Variants in PER2 observed in about 807,000 individuals in gnomAD.
The protein encoded by PER2 is period circadian protein homolog 2.
In PER2, 66 loss-of-function variants were observed where a neutral mutation model predicts 121.0. The ratio of observed to expected loss-of-function variants is 0.55; its 90% confidence interval spans 0.45 to 0.67. The LOEUF is 0.67. PER2 is among the 30% of genes least tolerant of loss of function. The pLI, the probability that PER2 is intolerant of heterozygous loss-of-function variation, is 0.00. For synonymous variants in PER2, 684 were observed against 659.9 expected, an observed-to-expected ratio of 1.04 and a Z score of -0.56; for missense variants, 1,521 against 1,635.0, an observed-to-expected ratio of 0.93 and a Z score of 1.20.
intron 8 of PER2, 134 bp downstream of exon 8, chr2:238,267,922 A>G: frequency 2.1e-6 from 2 of 939,866 alleles, no homozygotes; most frequent in Non-Finnish European, 3.3e-6. Context: ...GACCCTGCCC[A>G]AGGTGAGGTG....
In PER2 at chr2:238,253,533, G is replaced by A; in HGVS notation, c.2490C>T (p.Ala830=). ...ACTGGGACGTGTCTGAGGGTGACCA[G>A]GCTGTGGCGTTCAAGCCCACCAGCG... ...RPPLVGLNAT[A]WSPSDTSQSS... is the part of the protein sequence containing the mutation. The change falls in exon 19 of 23, where the codon GCC becomes GCT. Residue 830 remains alanine (A), a synonymous_variant. Coordinates refer to ENST00000254657, the MANE Select transcript of PER2 (RefSeq NM_022817.3). This position sits in a 1 kb window ranked among gnomAD's most constrained non-coding sequence, Gnocchi z 5.6. The A allele has an allele frequency of 3.7e-6, 6 of 1,611,466 alleles. No homozygotes were observed. Among genetic ancestry groups the A allele is most frequent in the Non-Finnish European group, 5.1e-6 (6 of 1,179,196 alleles).
Position 238,252,525 on chromosome 2 carries a change from C to T in PER2, c.3111+387G>A, listed in dbSNP as rs955585437. Among the ~76,000 whole-genome samples the T allele has an allele frequency of 2.0e-5, 3 of 152,226 alleles. No individual in the cohort carries two copies. Among genetic ancestry groups the T allele is most frequent in the Non-Finnish European group, 4.4e-5 (3 of 68,038 alleles). ...TGTCCCCCTCCTTCTCCGCCTTCAC[C>T]GGGGCCACCTGAGCCAGGCTCCGGC... On this transcript the variant is annotated intron_variant, in intron 19 of 22. Coordinates refer to ENST00000254657, the MANE Select transcript of PER2 (RefSeq NM_022817.3). The surrounding 1 kb of genome is among the most constrained non-coding windows in gnomAD (Gnocchi z 4.2).
chr2:238,263,182 C>G, intron 9 of PER2, 124 bp from the exon 10 acceptor site: 1 of 702,578 alleles, frequency 1.4e-6, no homozygotes, highest in Non-Finnish European at 2.6e-6. Flanking sequence ...CCCCCACCCC[C>G]GGAGATCAAA....
chr2:238,258,458 T>A (rs1280456952), intron 15 of PER2, 39 bp downstream of exon 15: 2 of 1,613,870 alleles, frequency 1.2e-6, no homozygotes, highest in East Asian at 4.5e-5. Flanking sequence ...AGGGAAGGTG[T>A]GTGAGATGGT....
At chr2:238,284,049 G>C (rs1186646739) in intron 1 of PER2, among the ~76,000 whole-genome samples, 1 of 152,204 alleles carries the variant, frequency 6.6e-6, no homozygotes, top group East Asian at 1.9e-4. Flanking sequence ...TGGGGTAACA[G>C]TAGTTCCTGC....
chr2:238,260,072 G>A lies in PER2; in HGVS notation c.1543-19C>T. ...AAATTTCCTTGAAGAAAAACAAAATGAACACATTATTCATTCTAGGAGACC... is the reference window on the plus strand; with the variant it reads ...AAATTTCCTTGAAGAAAAACAAAATAAACACATTATTCATTCTAGGAGACC... On this transcript the variant is annotated intron_variant, in intron 13 of 22. Coordinates refer to ENST00000254657, the MANE Select transcript of PER2 (RefSeq NM_022817.3). 1 of 1,108,366 alleles carries A rather than the reference G, an allele frequency of 9.0e-7. No individual in the cohort carries two copies. The allele number at this position is 1,108,366 out of a possible 1,614,324, so 68.7% of individuals were successfully genotyped here. A position where few individuals can be genotyped will look rare whatever the true frequency, so the allele number is the denominator to read the frequency against.
chr2:238,256,122 C>G (rs1369187908), intron 17 of PER2, among the ~76,000 whole-genome samples: 1 of 152,250 alleles, frequency 6.6e-6, no homozygotes, highest in Non-Finnish European at 1.5e-5. Context: ...CCCTGACAGC[C>G]AGGTGCTCAG....
At chr2:238,255,485 C>CCG (rs1051548201) in intron 18 of PER2, 172 bp downstream of exon 18, 3 of 722,142 alleles carry the variant, frequency 4.2e-6, no homozygotes, top group Non-Finnish European at 7.3e-6. Flanking sequence ...AGCACCCCCC[C>CCG]GGTGGGAAGT....
At chr2:238,269,698 T>G (rs888796911) in intron 6 of PER2, among the ~76,000 whole-genome samples, 7 of 151,462 alleles carry the variant, frequency 4.6e-5, no homozygotes, top group East Asian at 3.9e-4. Flanking sequence ...CCAACTAACC[T>G]ACAACTGAGC....
Position 238,263,037 on chromosome 2 carries a change from G to A in PER2, c.1068C>T (p.Tyr356=), listed in dbSNP as rs962187608. Residue 356 remains tyrosine (Y), a synonymous_variant, in exon 10 of 23, where the codon TAC becomes TAT. Coordinates refer to ENST00000254657, the MANE Select transcript of PER2 (RefSeq NM_022817.3). ...GGGTTTCAATCAGGTCCTGAGGTAGGTAGCCCAGGAGAGGGACCGCCCTGG... is the reference window on the plus strand; with the variant it reads ...GGGTTTCAATCAGGTCCTGAGGTAGATAGCCCAGGAGAGGGACCGCCCTGG... ...VDERAVPLLG[Y]LPQDLIETPV... 6.2e-7 allele frequency: 1 copy of A among 1,613,428 alleles called. No homozygotes were observed. The highest frequency in any genetic ancestry group is 1.3e-5 in the African/African-American group (1 of 74,932).
intron 22 of PER2, among the ~76,000 whole-genome samples, chr2:238,247,856 G>A (rs572257398): frequency 2.0e-5 from 3 of 152,344 alleles, no homozygotes; most frequent in African/African-American, 7.2e-5. Context: ...CACAGTGCTG[G>A]CAGGAATCTG....
rs762179743 is a variant in PER2, at chr2:238,275,818, C to G, written c.373G>C (p.Asp125His). 2.5e-6 allele frequency: 4 copies of G among 1,614,230 alleles called. No individual in the cohort carries two copies. In the South Asian group the frequency reaches 4.4e-5, roughly 18 times the overall value. ...CTGGCCTTGCCCTTGGCCTTCTTGT[C>G]TGCAGGGAGGTGGACCTTCAGCTCC... ...LKELKVHLPA[D>H]KKAKGKASTL... is the part of the protein sequence containing the mutation. The change falls in exon 4 of 23, where the codon GAC (aspartate) becomes CAC (histidine). Residue 125 changes from aspartate (D) to histidine (H), a missense_variant. Physicochemically the swap from Asp to His is moderately conservative, Grantham distance 81. Transcript: ENST00000254657.
At chr2:238,261,497 C>A (rs1038052272) in intron 12 of PER2, 6 of 583,662 alleles carry the variant, frequency 1.0e-5, no homozygotes, top group Non-Finnish European at 1.9e-5. Flanking sequence ...GCTACTCACT[C>A]AGGGCTGCAG....
chr2:238,280,833 A>T (rs1696606533), intron 1 of PER2, among the ~76,000 whole-genome samples: 1 of 152,178 alleles, frequency 6.6e-6, no homozygotes, highest in Admixed American at 6.5e-5. Flanking sequence ...ATCAAAGGAC[A>T]AGAGTCCAAC....
At chr2:238,270,191 A>G (rs567335727) in intron 6 of PER2, among the ~76,000 whole-genome samples, 2 of 152,360 alleles carry the variant, frequency 1.3e-5, no homozygotes, top group African/African-American at 4.8e-5. Flanking sequence ...CAGAAGCCCC[A>G]AACATTTCAT....
At chr2:238,267,745 A>G (rs3739064) in intron 8 of PER2, among the ~76,000 whole-genome samples, 30,775 of 152,126 alleles carry the variant, frequency 0.2, 3,330 homozygotes, top group Middle Eastern at 0.26. Context: ...GACTTGTCAG[A>G]GCTGTTCCCA....
chr2:238,297,095 C>T, the PER2 span, among the ~76,000 whole-genome samples: 2 of 152,282 alleles, frequency 1.3e-5, no homozygotes, highest in African/African-American at 4.8e-5. Context: ...GAGACAGGAA[C>T]GAGGAGCAAA....
At chr2:238,284,766 G>T (rs1043008359) in intron 1 of PER2, among the ~76,000 whole-genome samples, 4 of 152,214 alleles carry the variant, frequency 2.6e-5, no homozygotes, top group African/African-American at 9.6e-5. Flanking sequence ...AAGTATTTTT[G>T]CAAAGAGGGT....
chr2:238,257,137 G>A (rs1268960830), intron 16 of PER2, 51 bp from the exon 17 acceptor site: 1 of 1,557,054 alleles, frequency 6.4e-7, no homozygotes, highest in Non-Finnish European at 8.7e-7. Context: ...ACAATGCACT[G>A]TGCAGATGAG....
Sources: allele counts gnomAD v4.1 joint callset (sites outside exome capture counted in the v4.1 genomes callset), GRCh38; gene constraint gnomAD v4.1.1; non-coding constraint Gnocchi (gnomAD v3.1); transcripts MANE v1.5; gene names NCBI Gene and HGNC (gene_info 2026-07-23, HGNC 2026-07-21).